RASGEF1B: variants seen among roughly 807,000 people sequenced by gnomAD.
The protein encoded by RASGEF1B is RasGEF domain family member 1B.
RASGEF1B carries 30 observed loss-of-function variants against 65.7 expected under a neutral mutation model. The ratio of observed to expected loss-of-function variants is 0.46; its 90% CI spans 0.34 to 0.62. The LOEUF is 0.62. Among genes scored for constraint, RASGEF1B ranks in the 20% least tolerant of loss-of-function variants. The pLI is 0.01. For synonymous variants in RASGEF1B, 175 were observed against 194.8 expected (o/e 0.90, Z 0.85); for missense variants, 495 against 580.1 (o/e 0.85, Z 1.51).
chr4:81,451,852 C>T (rs1446543448), intron 4 of RASGEF1B: 3 of 152,202 alleles, frequency 2.0e-5, no homozygotes, highest in Non-Finnish European at 2.9e-5. Flanking sequence ...TCTCCTCACC[C>T]CTTCCCGGGA....
intron 1 of RASGEF1B, among the ~76,000 whole-genome samples, chr4:81,467,575 G>A (rs147189455): frequency 2.1e-4 from 32 of 152,302 alleles, no homozygotes; most frequent in Admixed American, 9.8e-4. Context: ...AAACCGGACA[G>A]TAGATGGCTC....
intron 1 of RASGEF1B, among the ~76,000 whole-genome samples, chr4:81,462,497 T>C (rs1055801738): frequency 6.6e-6 from 1 of 152,256 alleles, no homozygotes; most frequent in African/African-American, 2.4e-5. Context: ...CCCAAAGTTA[T>C]GCTGCTAATT....
At position 81,457,583 on chromosome 4, in the gene RASGEF1B, T is replaced by C. The variant is rs1293873416; in HGVS notation, c.216A>G (p.Leu72=). 3.1e-6 allele frequency: 5 copies of C among 1,614,018 alleles called. No homozygotes were observed. The African/African-American group carries it at 6.7e-5, about 22-fold the overall frequency. The change falls in exon 3 of 14, where the codon TTA becomes TTG. Residue 72 remains leucine, a synonymous_variant. Coordinates refer to ENST00000264400, the MANE Select transcript of RASGEF1B (RefSeq NM_152545.3). ...CCATTAGCTCATACGGATGCATAAATAACCGAGAACTGAGTAGGAAGGTAA... is the reference window on the plus strand; with the variant it reads ...CCATTAGCTCATACGGATGCATAAACAACCGAGAACTGAGTAGGAAGGTAA... ...YIFTFLLSSR[L]FMHPYELMAK...
intron 3 of RASGEF1B, among the ~76,000 whole-genome samples, chr4:81,457,100 C>A (rs1722473170): frequency 6.6e-6 from 1 of 152,124 alleles, no homozygotes; most frequent in Admixed American, 6.5e-5. Context: ...CTCACTGCAA[C>A]CTGCCTCCCA....
At position 81,464,606 on chromosome 4, in the gene RASGEF1B, C is replaced by A. The variant is rs1057455110; in HGVS notation, c.-6-5092G>T. 2.0e-5 allele frequency among the ~76,000 whole-genome samples: 3 copies of A among 152,138 alleles called. No homozygotes were observed. The South Asian group carries it at 6.2e-4, about 31-fold the overall frequency. ...GATCACAAACCTCTCCCCATCACCA[C>A]CCCCAGAGAAATTTACACACCAGTT... is the stretch of plus-strand genomic sequence containing the variant. On this transcript the variant is annotated intron_variant, in intron 1 of 13. Coordinates refer to ENST00000264400, the MANE Select transcript of RASGEF1B (RefSeq NM_152545.3).
chr4:81,457,688 A>G (rs1722497841), intron 2 of RASGEF1B, 67 bp from the exon 3 acceptor site: 1 of 1,558,550 alleles, frequency 6.4e-7, no homozygotes, highest in Admixed American at 1.8e-5. Context: ...CCTTTATACT[A>G]TGTCTTATTT....
rs528537763 is a variant in RASGEF1B at position 81,457,648 on chromosome 4, C to T, written c.178-27G>A. The T allele has an allele frequency of 5.2e-5, 83 of 1,609,424 alleles. 1 individual carries two copies. The South Asian group carries it at 7.5e-4, about 15-fold the overall frequency. ...TGCAGCAACAGAAAAAAGTCATCAT[C>T]GTTACATTCTCTCTGAAATTAATAT... On this transcript the variant is annotated intron_variant, in intron 2 of 13. Coordinates refer to ENST00000264400, the MANE Select transcript of RASGEF1B (RefSeq NM_152545.3).
chr4:81,436,083 T>C (rs1438744863), intron 10 of RASGEF1B, among the ~76,000 whole-genome samples: 1 of 152,098 alleles, frequency 6.6e-6, no homozygotes, highest in Non-Finnish European at 1.5e-5. Flanking sequence ...AGCCCAGCCA[T>C]GTACCAAGAT....
chr4:81,465,285 CAG>C, intron 1 of RASGEF1B, among the ~76,000 whole-genome samples: 1 of 152,066 alleles, frequency 6.6e-6, no homozygotes, highest in East Asian at 1.9e-4. Context: ...TAATGGAAAA[CAG>C]ACTCTGGTTT....
intron 1 of RASGEF1B, among the ~76,000 whole-genome samples, chr4:81,462,729 A>T (rs1722690247): frequency 2.0e-5 from 3 of 152,186 alleles, no homozygotes; most frequent in Admixed American, 2.0e-4. Flanking sequence ...TGTGCTGGAA[A>T]ATGTCTTCAC....
rs557115402 is a variant in RASGEF1B at position 81,444,089 on chromosome 4, A to G, written c.928+1437T>C. Among the ~76,000 whole-genome samples the G allele has an allele frequency of 2.0e-5, 3 of 152,286 alleles. No individual in the cohort carries two copies. In the South Asian group the frequency reaches 6.2e-4, roughly 32 times the overall value. On this transcript the variant is annotated intron_variant, in intron 8 of 13. Coordinates refer to ENST00000264400, the MANE Select transcript of RASGEF1B (RefSeq NM_152545.3). ...CCATTAATATACAGTATCCTCTCGCATGACAAATCTGTTTCAGTCTTTTGG... is the reference window on the plus strand; with the variant it reads ...CCATTAATATACAGTATCCTCTCGCGTGACAAATCTGTTTCAGTCTTTTGG...
intron 1 of RASGEF1B, among the ~76,000 whole-genome samples, chr4:81,465,720 T>G (rs1204671612): frequency 6.6e-6 from 1 of 152,228 alleles, no homozygotes; most frequent in Non-Finnish European, 1.5e-5. Flanking sequence ...ATGTTATTTA[T>G]GATGAAGCAG....
intron 1 of RASGEF1B, among the ~76,000 whole-genome samples, chr4:81,469,302 A>T (rs1427540658): frequency 6.6e-6 from 1 of 152,162 alleles, no homozygotes; most frequent in Non-Finnish European, 1.5e-5. Context: ...GCAAAGAAAA[A>T]GACATTCCAT....
At chr4:81,441,173 T>A (rs1721821403) in intron 9 of RASGEF1B, among the ~76,000 whole-genome samples, 1 of 152,200 alleles carries the variant, frequency 6.6e-6, no homozygotes, top group Non-Finnish European at 1.5e-5. Flanking sequence ...CCGCATTCTT[T>A]CTAGGCTAAT....
chr4:81,428,403 T>C (rs997525826), intron 13 of RASGEF1B, among the ~76,000 whole-genome samples: 12 of 152,218 alleles, frequency 7.9e-5, no homozygotes, highest in African/African-American at 2.9e-4. Flanking sequence ...GTGGATTCAA[T>C]CAACTGCAGA....
intron 2 of RASGEF1B, 78 bp from the exon 3 acceptor site, chr4:81,457,699 C>A: frequency 1.3e-6 from 2 of 1,507,656 alleles, no homozygotes; most frequent in South Asian, 2.5e-5. Flanking sequence ...TGTCTTATTT[C>A]ATTAAGTTCT....
chr4:81,470,652 C>T (rs2110003632), intron 1 of RASGEF1B, among the ~76,000 whole-genome samples: 1 of 152,356 alleles, frequency 6.6e-6, no homozygotes, highest in African/African-American at 2.4e-5. Context: ...GGCCCAAACA[C>T]ATACACAAAT....
At chr4:81,454,698 C>A (rs541685686) in intron 4 of RASGEF1B, 10 of 152,190 alleles carry the variant, frequency 6.6e-5, no homozygotes, top group African/African-American at 2.4e-4. Flanking sequence ...ATGATTATAA[C>A]CGTCATAACT....
At chr4:81,430,743 C>T (rs1721402716) in intron 13 of RASGEF1B, among the ~76,000 whole-genome samples, 1 of 152,192 alleles carries the variant, frequency 6.6e-6, no homozygotes, top group African/African-American at 2.4e-5. Flanking sequence ...TTATACAGTT[C>T]AATCTTTAGC....
Sources: gnomAD v4.1 joint callset for allele counts (sites outside exome capture counted in the v4.1 genomes callset) on GRCh38, gnomAD v4.1.1 for gene constraint, MANE v1.5 for transcripts, NCBI Gene and HGNC (gene_info 2026-07-23, HGNC 2026-07-21) for gene names.